Variants in TNFRSF1B observed in about 807,000 individuals in gnomAD.
The protein encoded by TNFRSF1B is TNF receptor superfamily member 1B, also known as tumor necrosis factor receptor superfamily member 1B.
Under a neutral mutation model 44.6 loss-of-function variants are expected in TNFRSF1B, and 19 were observed. The ratio of observed to expected loss-of-function variants is 0.43; its 90% CI spans 0.30 to 0.62. The LOEUF (loss-of-function observed/expected upper bound fraction) is 0.62. Ranked by LOEUF, TNFRSF1B falls within the 20% of genes least tolerant of loss-of-function variation. The probability of loss-of-function intolerance (pLI) is 0.16; values close to 1 mark genes in which losing one functional copy is unlikely to be tolerated. For missense variants in TNFRSF1B, 541 were observed against 619.9 expected (o/e 0.87, Z 1.35); for synonymous variants, 252 against 261.1 (o/e 0.97, Z 0.34).
rs1639558143 is a variant in TNFRSF1B at position 12,208,271 on chromosome 1, C to T, written c.*1251C>T. On this transcript the variant is annotated 3_prime_UTR_variant, in exon 10 of 10. Coordinates refer to ENST00000376259, the MANE Select transcript of TNFRSF1B (RefSeq NM_001066.3). Reference sequence around the variant, plus strand: ...GAGATGACTGAGTCCTCGTAGCCATCTCTCTACTCCTACCTCAGCCTAGAC... The same window carrying T: ...GAGATGACTGAGTCCTCGTAGCCATTTCTCTACTCCTACCTCAGCCTAGAC... 1 of 152,928 alleles carries T rather than the reference C, an allele frequency of 6.5e-6. No individual in the cohort carries two copies. Among genetic ancestry groups the T allele is most frequent in the South Asian group, 2.1e-4 (1 of 4,832 alleles). The allele number at this position is 152,928 out of a possible 1,614,324, so 9.5% of individuals were successfully genotyped here.
At chr1:12,179,786 G>T (rs1570134521) in intron 1 of TNFRSF1B, among the ~76,000 whole-genome samples, 1 of 152,184 alleles carries the variant, frequency 6.6e-6, no homozygotes, top group African/African-American at 2.4e-5. Flanking sequence ...TGGACAATTT[G>T]CACGAAATCT....
chr1:12,171,927 C>A lies in TNFRSF1B; in HGVS notation c.78+4758C>A, dbSNP rs1010097438. Among the ~76,000 whole-genome samples the A allele has an allele frequency of 6.6e-6, 1 of 152,086 alleles. No homozygotes were observed. Among genetic ancestry groups the A allele is most frequent in the African/African-American group, 2.4e-5 (1 of 41,394 alleles). On this transcript the variant is annotated intron_variant, in intron 1 of 9. Coordinates refer to ENST00000376259, the MANE Select transcript of TNFRSF1B (RefSeq NM_001066.3). This position sits in a 1 kb window ranked among gnomAD's most constrained non-coding sequence, Gnocchi z 4.5. ...TAATGGCCCTGTTTTACAGATGAGA[C>A]GGGGGTTTGAAAAGTCAGTGGTGGC...
intron 8 of TNFRSF1B, among the ~76,000 whole-genome samples, chr1:12,196,584 C>G (rs1471782591): frequency 6.6e-6 from 1 of 152,190 alleles, no homozygotes; most frequent in Non-Finnish European, 1.5e-5. Flanking sequence ...TGATTTCATC[C>G]CCTGATTTTG....
At chr1:12,179,169 C>G (rs1013435399) in intron 1 of TNFRSF1B, among the ~76,000 whole-genome samples, 1 of 152,086 alleles carries the variant, frequency 6.6e-6, no homozygotes, top group Admixed American at 6.5e-5. Context: ...TTCCTGTCTG[C>G]CCCCAGCTCA....
Position 12,167,180 on chromosome 1 carries a change from C to T in TNFRSF1B, c.78+11C>T, listed in dbSNP as rs1051149402. 24 of 1,264,142 alleles carry T rather than the reference C, an allele frequency of 1.9e-5. No individual in the cohort carries two copies. In the African/African-American group the frequency reaches 3.6e-4, roughly 19 times the overall value. 78.3% of individuals were successfully genotyped at this position (1,264,142 alleles called of 1,614,324 possible). A position where few individuals can be genotyped will look rare whatever the true frequency, so the allele number is the denominator to read the frequency against. On this transcript the variant is annotated intron_variant, in intron 1 of 9. Coordinates refer to ENST00000376259, the MANE Select transcript of TNFRSF1B (RefSeq NM_001066.3). ...GCCTTGCCCGCCCAGGTGGGTGACT[C>T]GCGCGGCCCACGGGGGACAGCCGCC...
rs1639550622 is a variant in TNFRSF1B at position 12,207,990 on chromosome 1, C to T, written c.*970C>T. 6.6e-6 allele frequency: 1 copy of T among 152,236 alleles called. No homozygotes were observed. The highest frequency in any genetic ancestry group is 1.9e-4 in the East Asian group (1 of 5,182). The allele number at this position is 152,236 out of a possible 1,614,324, so 9.4% of individuals were successfully genotyped here. A position where few individuals can be genotyped will look rare whatever the true frequency, so the allele number is the denominator to read the frequency against. On this transcript the variant is annotated 3_prime_UTR_variant, in exon 10 of 10. Transcript: ENST00000376259. ...TGTGAAAGTCAGATGCCCAGAGGGC[C>T]CAGGCAGGCCACCATATTCAGTGCT...
At chr1:12,181,055 T>C (rs1447146875) in intron 1 of TNFRSF1B, among the ~76,000 whole-genome samples, 1 of 152,134 alleles carries the variant, frequency 6.6e-6, no homozygotes, top group Non-Finnish European at 1.5e-5. Flanking sequence ...GGGCCTGCCA[T>C]GGTCTCCCCA....
At chr1:12,184,870 C>T (rs1009120953) in intron 1 of TNFRSF1B, among the ~76,000 whole-genome samples, 2 of 152,190 alleles carry the variant, frequency 1.3e-5, no homozygotes, top group African/African-American at 4.8e-5. Flanking sequence ...TGCAGGATTC[C>T]CACGAGACCT....
chr1:12,188,293 G>A lies in TNFRSF1B; in HGVS notation c.79-503G>A, dbSNP rs5746000. Among the ~76,000 whole-genome samples the A allele has an allele frequency of 3.5e-4, 54 of 152,282 alleles. No homozygotes were observed. In the East Asian group the frequency reaches 0.01, roughly 29 times the overall value. On this transcript the variant is annotated intron_variant, in intron 1 of 9. Coordinates refer to ENST00000376259, the MANE Select transcript of TNFRSF1B (RefSeq NM_001066.3). ...GACTGTTAGAGGGGTCATAACCCAC[G>A]TTTAGAGAGAGCCGAGAGGAGGAGG... is the stretch of plus-strand genomic sequence containing the variant.
chr1:12,182,164 T>A (rs548159843), intron 1 of TNFRSF1B, among the ~76,000 whole-genome samples: 1 of 152,284 alleles, frequency 6.6e-6, no homozygotes, highest in East Asian at 1.9e-4. Context: ...AGTTTCTTCA[T>A]CTGTAACTTG....
At chr1:12,172,646 A>G (rs113827931) in intron 1 of TNFRSF1B, among the ~76,000 whole-genome samples, 93 of 152,254 alleles carry the variant, frequency 6.1e-4, no homozygotes, top group African/African-American at 2.0e-3. Flanking sequence ...TCATCTCAGA[A>G]AGCAACTTCT....
intron 1 of TNFRSF1B, among the ~76,000 whole-genome samples, chr1:12,184,942 A>G (rs1490500954): frequency 6.6e-6 from 1 of 152,118 alleles, no homozygotes; most frequent in African/African-American, 2.4e-5. Context: ...TGCCTGCCTC[A>G]GGGATGCGAT....
At chr1:12,172,034 G>A (rs1308086597) in intron 1 of TNFRSF1B, among the ~76,000 whole-genome samples, 1 of 152,134 alleles carries the variant, frequency 6.6e-6, no homozygotes, top group Non-Finnish European at 1.5e-5. Context: ...GCTGAGGTTA[G>A]GGGTCCTCTC....
At chr1:12,179,431 C>G (rs1307243624) in intron 1 of TNFRSF1B, among the ~76,000 whole-genome samples, 2 of 152,206 alleles carry the variant, frequency 1.3e-5, no homozygotes, top group Non-Finnish European at 2.9e-5. Context: ...CCCACCACGC[C>G]CTAGGGGCCC....
chr1:12,191,192 T>G (rs1403308935), intron 3 of TNFRSF1B, 107 bp downstream of exon 3: 3 of 1,453,724 alleles, frequency 2.1e-6, no homozygotes, highest in African/African-American at 2.8e-5. Context: ...CCCAGGCTGG[T>G]TGTTGGAAGT....
chr1:12,190,843 G>C, intron 2 of TNFRSF1B, 114 bp from the exon 3 acceptor site: 1 of 1,319,526 alleles, frequency 7.6e-7, no homozygotes, highest in South Asian at 1.4e-5. Context: ...GAACTCCACA[G>C]AATAGCCTTC....
rs60313758 is a variant in TNFRSF1B, at chr1:12,198,691, G to GTTTTTTTTTTTTTTTT, written c.901-3274_901-3259dup. Reference sequence around the variant, plus strand: ...TGGCTGGCTGGCTGGCTGGAATTCTGTTTTTTTTTTTTTTTTTGAGAAAGA... The same window carrying GTTTTTTTTTTTTTTTT: ...TGGCTGGCTGGCTGGCTGGAATTCTGTTTTTTTTTTTTTTTTTTTTTTTTTTTTTTTTTGAGAAAGA... On this transcript the variant is annotated intron_variant, in intron 8 of 9. Transcript: ENST00000376259. Among the ~76,000 whole-genome samples the GTTTTTTTTTTTTTTTT allele has an allele frequency of 2.8e-4, 24 of 85,626 alleles. 3 individuals carry two copies. Among genetic ancestry groups the GTTTTTTTTTTTTTTTT allele is most frequent in the East Asian group, 1.0e-3 (3 of 3,004 alleles). 56.2% of individuals were successfully genotyped at this position (85,626 alleles called of 152,430 possible). A position where few individuals can be genotyped will look rare whatever the true frequency, so the allele number is the denominator to read the frequency against.
intron 1 of TNFRSF1B, among the ~76,000 whole-genome samples, chr1:12,183,303 C>T (rs550159996): frequency 5.9e-4 from 90 of 152,308 alleles, no homozygotes; most frequent in African/African-American, 2.1e-3. Flanking sequence ...TGGCATGGCC[C>T]AAAGTCTCTG....
At chr1:12,183,675 TCTA>T (rs1638873678) in intron 1 of TNFRSF1B, among the ~76,000 whole-genome samples, 13 of 124,490 alleles carry the variant, frequency 1.0e-4, no homozygotes, top group African/African-American at 3.4e-4. Context: ...TATCTATCTA[TCTA>T]TCTATCTATC....
Sources: gnomAD v4.1 joint callset for allele counts (sites outside exome capture counted in the v4.1 genomes callset) on GRCh38, gnomAD v4.1.1 for gene constraint, Gnocchi (gnomAD v3.1) non-coding constraint, MANE v1.5 for transcripts, NCBI Gene and HGNC (gene_info 2026-07-23, HGNC 2026-07-21) for gene names.